PLS3: variants seen among roughly 807,000 people sequenced by gnomAD.
PLS3 encodes the protein plastin 3.
In PLS3, 11 loss-of-function variants were observed where a neutral mutation model predicts 46.5. The ratio of observed to expected loss-of-function variants is 0.24; its 90% CI spans 0.15 to 0.39. PLS3 has a LOEUF of 0.39. Among genes scored for constraint, PLS3 ranks in the 10% least tolerant of loss-of-function variants. PLS3 has a pLI of 1.00. For synonymous variants in PLS3, 167 were observed against 162.2 expected, an observed-to-expected ratio of 1.03 and a Z score of -0.22; for missense variants, 308 against 461.8, an observed-to-expected ratio of 0.67 and a Z score of 3.05.
chrX:115,643,804 C>G (rs1365387033), intron 10 of PLS3, among the ~76,000 whole-genome samples: 3 of 110,986 alleles, frequency 2.7e-5, no homozygotes, highest in Admixed American at 9.6e-5. Context: ...AACCCCGTCT[C>G]TACGAAAAAT....
chrX:115,566,924 G>A (rs1441189783), intron 1 of PLS3, among the ~76,000 whole-genome samples: 10 of 111,157 alleles, frequency 9.0e-5, no homozygotes, highest in Admixed American at 6.7e-4. Flanking sequence ...TGATCCGCCC[G>A]CCTTGGCCTC....
chrX:115,594,666 T>TCTCACA (rs1556633582), intron 1 of PLS3, among the ~76,000 whole-genome samples: 2 of 102,897 alleles, frequency 1.9e-5, no homozygotes, highest in Middle Eastern at 4.4e-3. Context: ...TCTCTCTCTC[T>TCTCACA]CTCACACACA....
At chrX:115,619,404 G>A (rs1427729745) in intron 2 of PLS3, among the ~76,000 whole-genome samples, 1 of 111,940 alleles carries the variant, frequency 8.9e-6, no homozygotes. Context: ...AAAACAAGTT[G>A]GTATATGCAT....
intron 2 of PLS3, chrX:115,614,529 C>CTTTT: frequency 1.3e-6 from 1 of 753,057 alleles, no homozygotes; most frequent in Non-Finnish European, 1.6e-6. Flanking sequence ...TGAGCTACCT[C>CTTTT]AAAAGGTATA....
intron 1 of PLS3, among the ~76,000 whole-genome samples, chrX:115,574,590 T>C (rs1556630989): frequency 9.0e-6 from 1 of 111,569 alleles, no homozygotes. Context: ...ATACTTTTTT[T>C]TTTTTTGAGA....
At position 115,646,480 on chromosome X, in the gene PLS3, C is replaced by T; in HGVS notation, c.1456C>T (p.Leu486=). ...CCTGGTTGGCATTGGAGGGCAAGAC[C>T]TGAATGATGGGAACCAAACCCTGAC... ...FSLVGIGGQD[L]NDGNQTLTLA... is the part of the protein sequence containing the mutation. The change falls in exon 13 of 16, where the codon CTG becomes TTG. Residue 486 remains leucine, a synonymous_variant. Coordinates refer to ENST00000355899, the MANE Select transcript of PLS3 (RefSeq NM_005032.7). The T allele has an allele frequency of 1.7e-6, 2 of 1,211,153 alleles. No homozygotes were observed. The highest frequency in any genetic ancestry group is 2.2e-6 in the Non-Finnish European group (2 of 894,797).
intron 1 of PLS3, chrX:115,562,314 T>C (rs2074143660): frequency 8.9e-6 from 1 of 112,179 alleles, no homozygotes; most frequent in Admixed American, 9.4e-5. Context: ...ACCGCCGGGC[T>C]CCGGGACGTA....
intron 1 of PLS3, among the ~76,000 whole-genome samples, chrX:115,604,610 C>T (rs782078227): frequency 1.8e-5 from 2 of 111,517 alleles, no homozygotes; most frequent in African/African-American, 6.5e-5. Flanking sequence ...ACCTTGGGCG[C>T]GGTACAACAG....
At chrX:115,596,848 A>T (rs1351778791) in intron 1 of PLS3, among the ~76,000 whole-genome samples, 1 of 107,126 alleles carries the variant, frequency 9.3e-6, no homozygotes, top group Non-Finnish European at 1.9e-5. Flanking sequence ...AGAAAATAAT[A>T]ATAATATAAA....
chrX:115,605,712 C>T (rs2074484350), intron 1 of PLS3, among the ~76,000 whole-genome samples: 1 of 111,347 alleles, frequency 9.0e-6, no homozygotes, highest in Admixed American at 9.6e-5. Flanking sequence ...GATCTGCCCA[C>T]CTCCACCTCC....
rs1556641988 is a variant in PLS3 at position 115,647,946 on chromosome X, G to C, written c.1689G>C (p.Gln563His). The change falls in exon 15 of 16, where the codon CAG (glutamine) becomes CAC (histidine). Residue 563 changes from glutamine to histidine, a missense_variant. Transcript: ENST00000355899. ...LAVVDLIDAIQPGCINYDLVK... is the reference protein window; with the variant it reads ...LAVVDLIDAIHPGCINYDLVK... The stretch of plus-strand genomic sequence containing the variant: ...TTGTGGATTTAATTGATGCCATCCA[G>C]CCAGGCTGTATAAACTATGACCTTG... The C allele has an allele frequency of 1.1e-5, 13 of 1,207,964 alleles. No homozygotes were observed. Among genetic ancestry groups the C allele is most frequent in the Non-Finnish European group, 1.5e-5 (13 of 892,022 alleles).
chrX:115,571,772 G>A (rs73636296), intron 1 of PLS3, among the ~76,000 whole-genome samples: 3,231 of 112,027 alleles, frequency 0.029, 115 homozygotes, highest in African/African-American at 0.099. Flanking sequence ...AACTTAAAAT[G>A]CTGAGGATGG....
chrX:115,608,134 G>A (rs1241161918), intron 1 of PLS3, among the ~76,000 whole-genome samples: 16 of 111,672 alleles, frequency 1.4e-4, no homozygotes, highest in African/African-American at 4.9e-4. Context: ...GCCAGGGGCT[G>A]TGATAAATTC....
intron 2 of PLS3, 67 bp downstream of exon 2, chrX:115,610,390 TA>T: frequency 1.8e-6 from 1 of 544,433 alleles, no homozygotes; most frequent in Non-Finnish European, 3.0e-6. Flanking sequence ...TATTTCTCTA[TA>T]AATATCACAT....
At chrX:115,635,527 TGTA>T (rs1359858218) in intron 7 of PLS3, among the ~76,000 whole-genome samples, 2 of 107,489 alleles carry the variant, frequency 1.9e-5, no homozygotes, top group Non-Finnish European at 1.9e-5. Context: ...GGCACGTGCC[TGTA>T]GTCCCAGCTT....
In PLS3 at chrX:115,573,397, C is replaced by A. The variant is rs192372866; in HGVS notation, c.-9+12137C>A. On this transcript the variant is annotated intron_variant, in intron 1 of 15. Transcript: ENST00000355899. ...ACACCAGTGTCTTGGAATAAAATAG[C>A]CCTTTGGCAAGAAAACGAGCCACAC... Among the ~76,000 whole-genome samples, 24 of 112,165 alleles carry A rather than the reference C, an allele frequency of 2.1e-4. No individual in the cohort carries two copies. The East Asian group carries it at 6.5e-3, about 30-fold the overall frequency.
intron 1 of PLS3, among the ~76,000 whole-genome samples, chrX:115,568,618 T>G (rs1408592985): frequency 1.8e-5 from 2 of 112,450 alleles, no homozygotes; most frequent in East Asian, 5.6e-4. Flanking sequence ...TGATCGAACA[T>G]CATTTTGCAC....
chrX:115,640,341 CA>C, intron 8 of PLS3, 66 bp from the exon 9 acceptor site: 1 of 753,643 alleles, frequency 1.3e-6, no homozygotes, highest in Non-Finnish European at 2.1e-6. Flanking sequence ...GCCTTCCAAA[CA>C]TGGGACAATA....
At chrX:115,573,108 A>G in intron 1 of PLS3, among the ~76,000 whole-genome samples, 1 of 108,446 alleles carries the variant, frequency 9.2e-6, no homozygotes. Flanking sequence ...AAAAAAAAAA[A>G]AAGAAAAAAG....
Sources: allele counts gnomAD v4.1 joint callset (sites outside exome capture counted in the v4.1 genomes callset), GRCh38; gene constraint gnomAD v4.1.1; transcripts MANE v1.5; gene names NCBI Gene and HGNC (gene_info 2026-07-23, HGNC 2026-07-21).